PCDH11X: variants seen among roughly 807,000 people sequenced by gnomAD.
PCDH11X encodes protocadherin 11 X-linked.
In PCDH11X, 18 loss-of-function variants were observed where a neutral mutation model predicts 53.3. That is an observed-to-expected ratio of 0.34 (90% CI 0.23 to 0.50). The LOEUF is 0.50. Among genes scored for constraint, PCDH11X ranks in the 20% least tolerant of loss-of-function variants. PCDH11X has a pLI of 0.98. For synonymous variants in PCDH11X, 279 were observed against 393.3 expected (o/e 0.71, Z 3.44); for missense variants, 570 against 1,032.4 (o/e 0.55, Z 6.14).
At chrX:92,180,549 T>A (rs1398309104) in intron 6 of PCDH11X, among the ~76,000 whole-genome samples, 1 of 111,102 alleles carries the variant, frequency 9.0e-6, no homozygotes, top group East Asian at 2.8e-4. Flanking sequence ...TATCTATATA[T>A]TGATGAATCC....
intron 9 of PCDH11X, among the ~76,000 whole-genome samples, chrX:92,407,713 T>C (rs2071552121): frequency 9.1e-6 from 1 of 110,196 alleles, no homozygotes; most frequent in Admixed American, 9.7e-5. Flanking sequence ...TTCAGTCTTC[T>C]ATTCATCTTC....
At chrX:92,434,892 C>A (rs1351146687) in intron 9 of PCDH11X, among the ~76,000 whole-genome samples, 1 of 109,645 alleles carries the variant, frequency 9.1e-6, no homozygotes, top group Non-Finnish European at 1.9e-5. Flanking sequence ...AAAGGAACAC[C>A]CACACACACA....
chrX:91,897,837 A>G (rs1430182463), intron 6 of PCDH11X, among the ~76,000 whole-genome samples: 2 of 111,730 alleles, frequency 1.8e-5, no homozygotes, highest in African/African-American at 6.5e-5. Context: ...AAGTTCTAGA[A>G]ATTAGAATTT....
At chrX:92,215,164 C>T (rs372738419) in intron 7 of PCDH11X, among the ~76,000 whole-genome samples, 22 of 110,745 alleles carry the variant, frequency 2.0e-4, no homozygotes, top group East Asian at 2.9e-4. Flanking sequence ...TCTGAGGTAC[C>T]GGGTTCATCT....
intron 8 of PCDH11X, among the ~76,000 whole-genome samples, chrX:92,290,719 T>A (rs2068473953): frequency 9.4e-6 from 1 of 106,017 alleles, no homozygotes; most frequent in Non-Finnish European, 1.9e-5. Flanking sequence ...GCCCTTTTCA[T>A]CAATCACGTT....
At chrX:92,116,524 A>G (rs772492020) in intron 6 of PCDH11X, among the ~76,000 whole-genome samples, 1 of 112,318 alleles carries the variant, frequency 8.9e-6, no homozygotes, top group East Asian at 2.8e-4. Flanking sequence ...AAATTCTTAG[A>G]TAATCTTTCT....
intron 5 of PCDH11X, among the ~76,000 whole-genome samples, chrX:91,869,269 C>A (rs1179534872): frequency 4.5e-5 from 5 of 110,299 alleles, no homozygotes; most frequent in African/African-American, 1.7e-4. Flanking sequence ...GCAGTAATTA[C>A]CTGATAAGTT....
At chrX:92,214,707 C>T (rs2066656886) in intron 7 of PCDH11X, among the ~76,000 whole-genome samples, 1 of 110,887 alleles carries the variant, frequency 9.0e-6, no homozygotes, top group South Asian at 3.8e-4. Flanking sequence ...CATGGCCAAA[C>T]TAGCACGTTA....
Position 91,993,562 on chromosome X carries a change from T to C in PCDH11X, c.3033+114289T>C, listed in dbSNP as rs376067987. ...TTTTTAAAAATATTAAGCTATGAAT[T>C]GTGCTAAAATTCATGTTAGACTCTT... On this transcript the variant is annotated intron_variant, in intron 6 of 10. Transcript: ENST00000682573. Among the ~76,000 whole-genome samples, 14 of 111,787 alleles carry C rather than the reference T, an allele frequency of 1.3e-4. No individual in the cohort carries two copies. The East Asian group carries it at 4.0e-3, about 32-fold the overall frequency.
intron 9 of PCDH11X, among the ~76,000 whole-genome samples, chrX:92,457,967 TTC>T (rs759085587): frequency 9.1e-6 from 1 of 110,080 alleles, no homozygotes; most frequent in East Asian, 2.9e-4. Context: ...TATTCCAGTT[TTC>T]TGTTACATAT....
intron 10 of PCDH11X, among the ~76,000 whole-genome samples, chrX:92,572,658 T>G (rs1158406417): frequency 6.0e-4 from 64 of 107,263 alleles, no homozygotes; most frequent in Non-Finnish European, 9.8e-4. Flanking sequence ...CTGAGGCAGG[T>G]GGATCACTTG....
intron 6 of PCDH11X, among the ~76,000 whole-genome samples, chrX:92,022,601 G>A (rs1288698269): frequency 7.7e-5 from 8 of 103,532 alleles, no homozygotes; most frequent in South Asian, 4.5e-4. Context: ...ACACCCCACT[G>A]TCAATATTAG....
chrX:92,261,617 A>G, intron 7 of PCDH11X, among the ~76,000 whole-genome samples: 1 of 108,484 alleles, frequency 9.2e-6, no homozygotes, highest in Non-Finnish European at 1.9e-5. Flanking sequence ...GTGATTGTGA[A>G]AGTAATTTCT....
intron 10 of PCDH11X, among the ~76,000 whole-genome samples, chrX:92,539,797 G>A (rs986439252): frequency 3.6e-5 from 4 of 111,824 alleles, no homozygotes; most frequent in African/African-American, 9.8e-5. Flanking sequence ...TAATGCTGTG[G>A]TTTTTGTGGA....
At chrX:92,180,825 C>A (rs1337029437) in intron 6 of PCDH11X, among the ~76,000 whole-genome samples, 2 of 110,902 alleles carry the variant, frequency 1.8e-5, no homozygotes, top group African/African-American at 6.6e-5. Context: ...GATTTTGAGG[C>A]CTCTCCAGCC....
chrX:91,844,057 T>C (rs1250230692), intron 5 of PCDH11X, among the ~76,000 whole-genome samples: 1 of 111,721 alleles, frequency 9.0e-6, no homozygotes, highest in East Asian at 2.8e-4. Flanking sequence ...GTTTGCTGAG[T>C]ACCCTGAAGA....
chrX:92,081,235 A>T (rs1376516800), intron 6 of PCDH11X, among the ~76,000 whole-genome samples: 1 of 110,902 alleles, frequency 9.0e-6, no homozygotes, highest in South Asian at 3.8e-4. Context: ...TAAAATAATA[A>T]TAGTAAGATA....
chrX:91,983,505 T>A, intron 6 of PCDH11X: 1 of 518,767 alleles, frequency 1.9e-6, no homozygotes, highest in Non-Finnish European at 3.5e-6. Context: ...GGCACAGCCA[T>A]CTTATGCTTA....
At chrX:92,270,111 T>C (rs1367120390) in intron 8 of PCDH11X, among the ~76,000 whole-genome samples, 1 of 98,044 alleles carries the variant, frequency 1.0e-5, no homozygotes, top group Non-Finnish European at 1.9e-5. Context: ...AGCTTCCTTT[T>C]CTTTTTTTTT....
Sources: gnomAD v4.1 joint callset for allele counts (sites outside exome capture counted in the v4.1 genomes callset) on GRCh38, gnomAD v4.1.1 for gene constraint, MANE v1.5 for transcripts, NCBI Gene and HGNC (gene_info 2026-07-23, HGNC 2026-07-21) for gene names.